The following PNPT1 variants were observed in gnomAD, a reference collection of about 807,000 sequenced individuals.
PNPT1 encodes the protein polyribonucleotide nucleotidyltransferase 1.
A neutral mutation model predicts 119.5 loss-of-function variants in PNPT1; 53 were observed. That is an observed-to-expected ratio of 0.44 (90% CI 0.36 to 0.56). PNPT1 has a LOEUF of 0.56. Ranked by LOEUF, PNPT1 falls within the 20% of genes least tolerant of loss-of-function variation. The pLI is 0.00. For synonymous variants in PNPT1, 357 were observed against 322.1 expected (o/e 1.11, Z -1.16); for missense variants, 948 against 938.5 (o/e 1.01, Z -0.13).
chr2:55,692,073 C>T (rs1163988529), intron 1 of PNPT1, among the ~76,000 whole-genome samples: 1 of 151,440 alleles, frequency 6.6e-6, no homozygotes, highest in Non-Finnish European at 1.5e-5. Flanking sequence ...TTAGTAAAGA[C>T]GGGGTTTCAC....
intron 8 of PNPT1, among the ~76,000 whole-genome samples, chr2:55,675,473 C>T (rs1047418772): frequency 6.6e-6 from 1 of 151,956 alleles, no homozygotes; most frequent in South Asian, 2.1e-4. Flanking sequence ...AATGGATACC[C>T]CCCAAATAAA....
At chr2:55,676,199 C>T (rs1697065160) in intron 8 of PNPT1, among the ~76,000 whole-genome samples, 1 of 134,070 alleles carries the variant, frequency 7.5e-6, no homozygotes, top group Non-Finnish European at 1.5e-5. Context: ...ATGGAGGTTG[C>T]AGTGAGCCGA....
chr2:55,637,496 A>G (rs1695710949), intron 27 of PNPT1, 56 bp downstream of exon 27: 6 of 1,475,342 alleles, frequency 4.1e-6, no homozygotes, highest in East Asian at 2.3e-5. Context: ...GAAAAAAACA[A>G]TGGAAGCTTC....
intron 23 of PNPT1, 98 bp from the exon 24 acceptor site, chr2:55,643,523 T>C (rs1461771217): frequency 9.8e-7 from 1 of 1,016,112 alleles, no homozygotes; most frequent in African/African-American, 1.6e-5. Context: ...GGTGGGAGGA[T>C]CACTTGAGCT....
At chr2:55,665,815 A>G (rs1304795316) in intron 13 of PNPT1, among the ~76,000 whole-genome samples, 1 of 152,242 alleles carries the variant, frequency 6.6e-6, no homozygotes, top group Non-Finnish European at 1.5e-5. Flanking sequence ...TGATAGAATT[A>G]AAGAAACAAT....
At chr2:55,636,727 G>C (rs1695687080) in intron 27 of PNPT1, among the ~76,000 whole-genome samples, 1 of 152,128 alleles carries the variant, frequency 6.6e-6, no homozygotes, top group Non-Finnish European at 1.5e-5. Context: ...GCCTAATTGT[G>C]TTATATACTA....
At chr2:55,678,016 C>T (rs1445413691) in intron 8 of PNPT1, among the ~76,000 whole-genome samples, 2 of 152,200 alleles carry the variant, frequency 1.3e-5, no homozygotes, top group Non-Finnish European at 2.9e-5. Context: ...GCTGGGATTA[C>T]AGGCGTGAGC....
intron 1 of PNPT1, among the ~76,000 whole-genome samples, chr2:55,687,980 C>T (rs1697466003): frequency 6.6e-6 from 1 of 151,978 alleles, no homozygotes; most frequent in African/African-American, 2.4e-5. Flanking sequence ...ATGTTAATTC[C>T]CATGTACCAT....
intron 11 of PNPT1, among the ~76,000 whole-genome samples, chr2:55,670,386 C>T (rs1319529397): frequency 6.6e-6 from 1 of 151,810 alleles, no homozygotes; most frequent in Non-Finnish European, 1.5e-5. Flanking sequence ...CAGGGTTTCA[C>T]CGTATTAGCC....
intron 3 of PNPT1, 69 bp from the exon 4 acceptor site, chr2:55,685,117 A>T: frequency 8.6e-7 from 1 of 1,165,716 alleles, no homozygotes; most frequent in Non-Finnish European, 1.2e-6. Context: ...TATGAATGCT[A>T]ATTCTCCTGA....
intron 4 of PNPT1, among the ~76,000 whole-genome samples, chr2:55,684,334 A>G (rs1323608932): frequency 1.3e-5 from 2 of 152,188 alleles, no homozygotes; most frequent in Non-Finnish European, 2.9e-5. Context: ...GACTAAAAAT[A>G]CAAAAATCAG....
intron 1 of PNPT1, among the ~76,000 whole-genome samples, chr2:55,688,362 C>G (rs557123305): frequency 3.3e-5 from 5 of 152,084 alleles, no homozygotes; most frequent in Non-Finnish European, 7.4e-5. Flanking sequence ...TTAGTACAGT[C>G]TCTTATCATC....
chr2:55,677,543 G>A lies in PNPT1; in HGVS notation c.679+2139C>T, dbSNP rs1051291386. ...TGGGAGGCGGAGGTTGCAGTGAGCTGAGATCGCACTGCTGCACTCCTCCAC... is the reference window on the plus strand; with the variant it reads ...TGGGAGGCGGAGGTTGCAGTGAGCTAAGATCGCACTGCTGCACTCCTCCAC... On this transcript the variant is annotated intron_variant, in intron 8 of 27. Coordinates refer to ENST00000447944, the MANE Select transcript of PNPT1 (RefSeq NM_033109.5). Among the ~76,000 whole-genome samples the A allele has an allele frequency of 5.5e-5, 7 of 127,722 alleles. No individual in the cohort carries two copies. In the Admixed American group the frequency reaches 5.7e-4, roughly 10 times the overall value. 83.8% of individuals were successfully genotyped at this position (127,722 alleles called of 152,430 possible).
In PNPT1 at chr2:55,693,716, T is replaced by C; in HGVS notation, c.108A>G (p.Arg36=). 1 of 1,614,186 alleles carries C rather than the reference T, an allele frequency of 6.2e-7. No homozygotes were observed. Among genetic ancestry groups the C allele is most frequent in the African/African-American group, 1.3e-5 (1 of 75,066 alleles). The change falls in exon 1 of 28, where the codon CGA becomes CGG. Residue 36 remains arginine (R), a synonymous_variant. Transcript: ENST00000447944. The stretch of plus-strand genomic sequence containing the variant: ...GAGACCCTGCGCTACTCCATAGTGC[T>C]CGCACTTGCAACTGGGTGAGTGCCC... The part of the protein sequence containing the change: ...RDRALTQLQV[R]ALWSSAGSRA...
At chr2:55,674,807 G>A (rs1697015245) in intron 8 of PNPT1, among the ~76,000 whole-genome samples, 1 of 152,072 alleles carries the variant, frequency 6.6e-6, no homozygotes, top group Non-Finnish European at 1.5e-5. Flanking sequence ...TTTGCACCAG[G>A]CCTGAAGAAA....
intron 8 of PNPT1, among the ~76,000 whole-genome samples, chr2:55,673,822 G>A (rs1170949131): frequency 1.3e-5 from 2 of 152,010 alleles, no homozygotes; most frequent in African/African-American, 4.8e-5. Context: ...AGTGACTTTA[G>A]GTGATCTGCC....
At chr2:55,640,499 T>TGAGA (rs1474237523) in intron 26 of PNPT1, 128 bp downstream of exon 26, 1 of 826,026 alleles carries the variant, frequency 1.2e-6, no homozygotes, top group East Asian at 2.7e-5. Flanking sequence ...CAGCAGCATC[T>TGAGA]CTGCCACTTG....
intron 27 of PNPT1, 89 bp downstream of exon 27, chr2:55,637,463 G>C: frequency 1.7e-6 from 2 of 1,203,364 alleles, no homozygotes; most frequent in Non-Finnish European, 1.2e-6. Context: ...CTTCATAGAT[G>C]GTGACTCTTC....
At chr2:55,686,468 G>C in intron 2 of PNPT1, 24 bp from the exon 3 acceptor site, 1 of 1,589,490 alleles carries the variant, frequency 6.3e-7, no homozygotes, top group Non-Finnish European at 8.6e-7. Flanking sequence ...AACAACGCTG[G>C]TAAGTTCCTT....
Sources: allele counts gnomAD v4.1 joint callset (sites outside exome capture counted in the v4.1 genomes callset), GRCh38; gene constraint gnomAD v4.1.1; transcripts MANE v1.5; gene names NCBI Gene and HGNC (gene_info 2026-07-23, HGNC 2026-07-21).